Variants in CDIN1 observed in about 807,000 individuals in gnomAD.
CDIN1 encodes CDAN1 interacting nuclease 1, also known as CDAN1-interacting nuclease 1.
CDIN1 carries 33 observed loss-of-function variants against 45.3 expected under a neutral mutation model. The observed-to-expected ratio is 0.73, with a 90% CI of 0.55 to 0.97. CDIN1 has a LOEUF of 0.97. Ranked by LOEUF, CDIN1 falls within the 50% of genes least tolerant of loss-of-function variation. The pLI, the probability that CDIN1 is intolerant of heterozygous loss-of-function variation, is 0.00. For missense variants in CDIN1, 303 were observed against 339.4 expected, an observed-to-expected ratio of 0.89 and a Z score of 0.84; for synonymous variants, 118 against 124.4, an observed-to-expected ratio of 0.95 and a Z score of 0.34.
chr15:36,687,849 T>C (rs1459095781), intron 5 of CDIN1, among the ~76,000 whole-genome samples: 4 of 152,088 alleles, frequency 2.6e-5, no homozygotes, highest in Non-Finnish European at 5.9e-5. Flanking sequence ...ATTGATCACA[T>C]ATAAAAACAC....
chr15:36,634,153 G>C (rs1438425709), intron 1 of CDIN1, among the ~76,000 whole-genome samples: 2 of 152,126 alleles, frequency 1.3e-5, no homozygotes, highest in Non-Finnish European at 2.9e-5. Context: ...ACTTTTGGCT[G>C]GGTGTGGTGA....
intron 1 of CDIN1, among the ~76,000 whole-genome samples, chr15:36,600,936 G>A (rs1200216288): frequency 6.6e-6 from 1 of 151,986 alleles, no homozygotes; most frequent in Non-Finnish European, 1.5e-5. Flanking sequence ...TATTTCAATG[G>A]TTAATTCTAA....
intron 5 of CDIN1, among the ~76,000 whole-genome samples, chr15:36,670,787 A>C (rs2041420340): frequency 6.6e-6 from 1 of 152,146 alleles, no homozygotes; most frequent in Non-Finnish European, 1.5e-5. Context: ...CAGACTGTGA[A>C]CATTGGTAAA....
intron 1 of CDIN1, among the ~76,000 whole-genome samples, chr15:36,626,318 G>C (rs1241542024): frequency 1.3e-5 from 2 of 151,002 alleles, no homozygotes; most frequent in African/African-American, 4.9e-5. Context: ...ACAGTCTGTG[G>C]GCCTTGTTCC....
intron 8 of CDIN1, chr15:36,701,916 T>C (rs1011539157): frequency 6.7e-6 from 4 of 595,274 alleles, no homozygotes; most frequent in African/African-American, 5.6e-5. Context: ...TCTTTGTTTC[T>C]AAGAGTTCAT....
intron 1 of CDIN1, among the ~76,000 whole-genome samples, chr15:36,631,343 C>G (rs1438482585): frequency 1.3e-5 from 2 of 152,058 alleles, no homozygotes; most frequent in African/African-American, 4.8e-5. Context: ...GTTGTACAAC[C>G]GTCACCACTG....
At chr15:36,806,052 T>C (rs1342848620) in intron 10 of CDIN1, among the ~76,000 whole-genome samples, 1 of 152,194 alleles carries the variant, frequency 6.6e-6, no homozygotes, top group Non-Finnish European at 1.5e-5. Context: ...AACACAAAAC[T>C]TAGGTAGACA....
intron 3 of CDIN1, among the ~76,000 whole-genome samples, chr15:36,649,341 G>T (rs932493046): frequency 6.6e-6 from 1 of 152,108 alleles, no homozygotes; most frequent in Non-Finnish European, 1.5e-5. Flanking sequence ...ATTGCAATTG[G>T]GATATAAGGA....
chr15:36,642,431 C>G (rs1028243484), intron 1 of CDIN1, among the ~76,000 whole-genome samples: 4 of 152,136 alleles, frequency 2.6e-5, no homozygotes, highest in Non-Finnish European at 4.4e-5. Flanking sequence ...ATTAATAGTT[C>G]TAGCCAGTTT....
intron 10 of CDIN1, among the ~76,000 whole-genome samples, chr15:36,789,357 G>C (rs1343700559): frequency 6.6e-6 from 1 of 152,148 alleles, no homozygotes; most frequent in Non-Finnish European, 1.5e-5. Flanking sequence ...AACAAATATA[G>C]AAACATTTTA....
At chr15:36,807,626 G>C (rs896261189) in intron 10 of CDIN1, among the ~76,000 whole-genome samples, 11 of 152,158 alleles carry the variant, frequency 7.2e-5, no homozygotes, top group African/African-American at 2.7e-4. Flanking sequence ...GCACAACTTA[G>C]AAATGCTGAG....
At chr15:36,686,465 C>G (rs1355610431) in intron 5 of CDIN1, among the ~76,000 whole-genome samples, 1 of 148,004 alleles carries the variant, frequency 6.8e-6, no homozygotes, top group Non-Finnish European at 1.5e-5. Context: ...TGCTAGATGA[C>G]AAGTTAGTGG....
chr15:36,758,429 C>G (rs150234813), intron 10 of CDIN1, among the ~76,000 whole-genome samples: 2 of 152,292 alleles, frequency 1.3e-5, no homozygotes, highest in East Asian at 3.9e-4. Context: ...CACTTTGCCT[C>G]TCTGTGCCTC....
chr15:36,724,785 C>T (rs1269933004), intron 10 of CDIN1, among the ~76,000 whole-genome samples: 2 of 152,064 alleles, frequency 1.3e-5, no homozygotes, highest in East Asian at 1.9e-4. Context: ...GACTCCCACC[C>T]TTCATCTCTT....
chr15:36,619,386 C>T, intron 1 of CDIN1: 1 of 363,354 alleles, frequency 2.8e-6, no homozygotes. Context: ...GAAAGTACAT[C>T]CTTAAATCAT....
rs549115298 is a variant in CDIN1, at chr15:36,724,778, T to G, written c.716+14817T>G. Among the ~76,000 whole-genome samples the G allele has an allele frequency of 7.1e-4, 108 of 152,264 alleles. 2 individuals carry two copies. The South Asian group carries it at 0.021, about 29-fold the overall frequency. On this transcript the variant is annotated intron_variant, in intron 10 of 10. Coordinates refer to ENST00000566621, the MANE Select transcript of CDIN1 (RefSeq NM_001321759.2). Reference sequence around the variant, plus strand: ...TTAAATTATTTCTAAATTTACCGACTCCCACCCTTCATCTCTTGCATTTGA... The same window carrying G: ...TTAAATTATTTCTAAATTTACCGACGCCCACCCTTCATCTCTTGCATTTGA...
intron 1 of CDIN1, among the ~76,000 whole-genome samples, chr15:36,624,104 A>G (rs2216141): frequency 0.44 from 67,314 of 152,004 alleles, 15,219 homozygotes; most frequent in East Asian, 0.65. Flanking sequence ...TTAGAGTTCA[A>G]CAGAAATGGG....
chr15:36,692,302 T>G (rs1327970536), intron 7 of CDIN1, 127 bp downstream of exon 7: 6 of 844,304 alleles, frequency 7.1e-6, no homozygotes, highest in Non-Finnish European at 1.1e-5. Flanking sequence ...TATTTTACAT[T>G]CAATCAACTG....
chr15:36,715,900 T>TA (rs1389013294), intron 10 of CDIN1, among the ~76,000 whole-genome samples: 1 of 152,154 alleles, frequency 6.6e-6, no homozygotes, highest in Admixed American at 6.5e-5. Flanking sequence ...TTATAATGGA[T>TA]AAGTATCATT....
Sources: gnomAD v4.1 joint callset for allele counts (sites outside exome capture counted in the v4.1 genomes callset) on GRCh38, gnomAD v4.1.1 for gene constraint, MANE v1.5 for transcripts, NCBI Gene and HGNC (gene_info 2026-07-23, HGNC 2026-07-21) for gene names.